Variants in NHS observed in about 807,000 individuals in gnomAD.
The protein encoded by NHS is NHS actin remodeling regulator.
NHS carries 5 observed loss-of-function variants against 72.5 expected under a neutral mutation model. The observed-to-expected ratio is 0.07, with a 90% CI of 0.04 to 0.14. The LOEUF (loss-of-function observed/expected upper bound fraction) is 0.14, where lower values mean the gene tolerates loss of function less well. NHS is among the 10% of genes least tolerant of loss of function. The probability of loss-of-function intolerance (pLI) is 1.00; values close to 1 mark genes in which losing one functional copy is unlikely to be tolerated. For missense variants in NHS, 1,072 were observed against 1,355.7 expected, an observed-to-expected ratio of 0.79 and a Z score of 3.29; for synonymous variants, 464 against 547.7, an observed-to-expected ratio of 0.85 and a Z score of 2.13.
chrX:17,454,714 A>C (rs1387909519), intron 1 of NHS, among the ~76,000 whole-genome samples: 1 of 112,152 alleles, frequency 8.9e-6, no homozygotes, highest in Non-Finnish European at 1.9e-5. Context: ...TCCTGTGAGC[A>C]TCAAAGGGTA....
chrX:17,493,904 G>A (rs2065001455), intron 1 of NHS, among the ~76,000 whole-genome samples: 1 of 109,957 alleles, frequency 9.1e-6, no homozygotes, highest in Admixed American at 9.8e-5. Context: ...GGCAGGGCAG[G>A]GCAAAGGAAT....
intron 1 of NHS, among the ~76,000 whole-genome samples, chrX:17,440,971 A>G (rs1257158041): frequency 9.0e-6 from 1 of 111,424 alleles, no homozygotes; most frequent in Admixed American, 9.5e-5. Context: ...TCTCTGGGGG[A>G]CTGGGTCAGT....
chrX:17,695,406 G>A (rs938237293), intron 3 of NHS, among the ~76,000 whole-genome samples: 3 of 112,247 alleles, frequency 2.7e-5, no homozygotes, highest in African/African-American at 9.7e-5. Context: ...TGTTAGAGAA[G>A]AATATTTAAT....
At chrX:17,520,422 C>G (rs1000781410) in intron 1 of NHS, among the ~76,000 whole-genome samples, 1 of 111,928 alleles carries the variant, frequency 8.9e-6, no homozygotes, top group Non-Finnish European at 1.9e-5. Context: ...GGGACTGGCT[C>G]GGAGGATAGC....
intron 1 of NHS, among the ~76,000 whole-genome samples, chrX:17,419,285 C>A (rs1311990258): frequency 8.9e-6 from 1 of 112,395 alleles, no homozygotes; most frequent in Non-Finnish European, 1.9e-5. Flanking sequence ...AGCTGTTAAT[C>A]TTTGGTTTGC....
chrX:17,412,984 A>T (rs916320712), intron 1 of NHS, among the ~76,000 whole-genome samples: 2 of 112,524 alleles, frequency 1.8e-5, no homozygotes, highest in Non-Finnish European at 3.8e-5. Context: ...TGGTGGGTCA[A>T]TTTGGCTTGT....
intron 3 of NHS, among the ~76,000 whole-genome samples, chrX:17,718,505 AG>A (rs1167894581): frequency 1.1e-5 from 1 of 95,022 alleles, no homozygotes; most frequent in Non-Finnish European, 2.1e-5. Flanking sequence ...GGAAGGAAAA[AG>A]GAAGAAGGGA....
chrX:17,543,469 C>A (rs2065274909), intron 1 of NHS, among the ~76,000 whole-genome samples: 1 of 111,903 alleles, frequency 8.9e-6, no homozygotes, highest in Admixed American at 9.5e-5. Context: ...CCTGACGCTA[C>A]TTAGAAGTCA....
At chrX:17,377,688 C>G (rs138467012) in intron 1 of NHS, among the ~76,000 whole-genome samples, 3,549 of 113,488 alleles carry the variant, frequency 0.031, 144 homozygotes, top group African/African-American at 0.11. Context: ...CTTTGAACCC[C>G]GTCCCGGGAA....
At chrX:17,708,115 C>T (rs1173791930) in intron 3 of NHS, among the ~76,000 whole-genome samples, 1 of 112,144 alleles carries the variant, frequency 8.9e-6, no homozygotes. Context: ...TAGGTGTTCT[C>T]TGTATCTCAG....
At chrX:17,444,213 A>G (rs745729768) in intron 1 of NHS, among the ~76,000 whole-genome samples, 6 of 111,805 alleles carry the variant, frequency 5.4e-5, no homozygotes, top group Non-Finnish European at 7.5e-5. Flanking sequence ...CTAGAAAAAT[A>G]TCTATTTTGG....
chrX:17,627,280 G>A (rs895280878), intron 1 of NHS, among the ~76,000 whole-genome samples: 3 of 112,017 alleles, frequency 2.7e-5, no homozygotes, highest in African/African-American at 9.7e-5. Flanking sequence ...AGCTCAGTGA[G>A]GGCTAGCACC....
chrX:17,520,806 G>C (rs1375543229), intron 1 of NHS, among the ~76,000 whole-genome samples: 1 of 111,250 alleles, frequency 9.0e-6, no homozygotes, highest in East Asian at 2.8e-4. Context: ...TCATTTATTT[G>C]AACTGGGATG....
chrX:17,563,664 C>T (rs2065426960), intron 1 of NHS, among the ~76,000 whole-genome samples: 1 of 111,724 alleles, frequency 9.0e-6, no homozygotes, highest in Admixed American at 9.5e-5. Context: ...ACAAAAGCCT[C>T]ATAGGGTCGA....
chrX:17,586,969 G>T (rs917203401), intron 1 of NHS: 1 of 112,153 alleles, frequency 8.9e-6, no homozygotes, highest in Non-Finnish European at 1.9e-5. Context: ...ATGAATTATA[G>T]AAGAGAAGAG....
intron 1 of NHS, among the ~76,000 whole-genome samples, chrX:17,381,435 C>G (rs900316004): frequency 1.5e-4 from 17 of 111,607 alleles, no homozygotes; most frequent in Admixed American, 4.7e-4. Context: ...AACATCCTCC[C>G]CTCCCTTCAA....
At chrX:17,622,770 C>T (rs1307339275) in intron 1 of NHS, among the ~76,000 whole-genome samples, 1 of 111,252 alleles carries the variant, frequency 9.0e-6, no homozygotes, top group Admixed American at 9.5e-5. Flanking sequence ...TGCTGCAGGC[C>T]AGCAGAGCAA....
At chrX:17,521,085 A>G (rs1186913109) in intron 1 of NHS, among the ~76,000 whole-genome samples, 3 of 111,830 alleles carry the variant, frequency 2.7e-5, no homozygotes, top group Non-Finnish European at 5.6e-5. Context: ...GACTCTCTGC[A>G]ACCCAGTTAC....
At position 17,677,512 on chromosome X, in the gene NHS, G is replaced by T. The variant is rs192209331; in HGVS notation, c.566-10230G>T. Among the ~76,000 whole-genome samples, 46 of 111,043 alleles carry T rather than the reference G, an allele frequency of 4.1e-4. 1 individual carries two copies. Among genetic ancestry groups the T allele is most frequent in the South Asian group, 3.5e-3 (9 of 2,571 alleles). ...CCTTTGATTAGGGAGCTGGACTCTGGGGTTAGCTGTGTCTTGATAGCCTCT... is the reference window on the plus strand; with the variant it reads ...CCTTTGATTAGGGAGCTGGACTCTGTGGTTAGCTGTGTCTTGATAGCCTCT... On this transcript the variant is annotated intron_variant, in intron 1 of 8. Transcript: ENST00000676302.
Sources: gnomAD v4.1 joint callset for allele counts (sites outside exome capture counted in the v4.1 genomes callset) on GRCh38, gnomAD v4.1.1 for gene constraint, MANE v1.5 for transcripts, NCBI Gene and HGNC (gene_info 2026-07-23, HGNC 2026-07-21) for gene names.